The following SLC44A3 variants were observed in gnomAD, a reference collection of about 807,000 sequenced individuals.
The protein encoded by SLC44A3 is choline transporter-like protein 3.
In SLC44A3, 74 loss-of-function variants were observed where a neutral mutation model predicts 75.4. The observed-to-expected ratio is 0.98, with a 90% CI of 0.81 to 1.19. SLC44A3 has a LOEUF of 1.19. Among genes scored for constraint, SLC44A3 ranks in the 50% most tolerant of loss-of-function variants. The pLI, the probability that SLC44A3 is intolerant of heterozygous loss-of-function variation, is 0.00. For synonymous variants in SLC44A3, 310 were observed against 296.9 expected (o/e 1.04, Z -0.45); for missense variants, 700 against 778.6 (o/e 0.90, Z 1.20).
intron 12 of SLC44A3, among the ~76,000 whole-genome samples, chr1:94,885,429 C>T (rs1026315570): frequency 1.3e-5 from 2 of 151,952 alleles, no homozygotes; most frequent in Non-Finnish European, 2.9e-5. Flanking sequence ...TGAGAAGTGA[C>T]GTGATTTGGT....
chr1:94,881,417 C>A (rs1466796450), intron 12 of SLC44A3, among the ~76,000 whole-genome samples: 1 of 152,204 alleles, frequency 6.6e-6, no homozygotes, highest in Non-Finnish European at 1.5e-5. Context: ...CTCTTAAGAA[C>A]CAATCGGCCA....
At chr1:94,831,249 G>A (rs1662085014) in intron 5 of SLC44A3, among the ~76,000 whole-genome samples, 1 of 152,176 alleles carries the variant, frequency 6.6e-6, no homozygotes, top group Non-Finnish European at 1.5e-5. Context: ...ACCCTTGACT[G>A]AGTGGCCTTT....
intron 12 of SLC44A3, among the ~76,000 whole-genome samples, chr1:94,886,943 C>T (rs1279499185): frequency 6.6e-6 from 1 of 152,020 alleles, no homozygotes; most frequent in Non-Finnish European, 1.5e-5. Flanking sequence ...TATCCACCCA[C>T]CTGTTTTGTG....
intron 11 of SLC44A3, among the ~76,000 whole-genome samples, 197 bp downstream of exon 11, chr1:94,865,096 T>C (rs1667007323): frequency 6.6e-6 from 1 of 152,126 alleles, no homozygotes; most frequent in South Asian, 2.1e-4. Flanking sequence ...GTGTTTTGTT[T>C]ATGGTTTTGT....
At chr1:94,888,940 A>G (rs1316136948) in intron 12 of SLC44A3, among the ~76,000 whole-genome samples, 1 of 151,376 alleles carries the variant, frequency 6.6e-6, no homozygotes, top group African/African-American at 2.4e-5. Flanking sequence ...TTGTATTTTT[A>G]GTAAAGACAG....
In SLC44A3 at chr1:94,848,690, G is replaced by A. The variant is rs553300792; in HGVS notation, c.1072+3226G>A. On this transcript the variant is annotated intron_variant, in intron 9 of 14. Transcript: ENST00000271227. ...CTGAGCACGGCACTAGGGAGAGGTA[G>A]GGAACAGGATTGAGGTCGACTCTCT... 9.2e-5 allele frequency among the ~76,000 whole-genome samples: 14 copies of A among 152,220 alleles called. No homozygotes were observed. The East Asian group carries it at 2.7e-3, about 29-fold the overall frequency.
At chr1:94,826,875 G>C (rs1661423201) in intron 3 of SLC44A3, among the ~76,000 whole-genome samples, 1 of 152,134 alleles carries the variant, frequency 6.6e-6, no homozygotes, top group African/African-American at 2.4e-5. Flanking sequence ...TGGGGTCTTG[G>C]AGCCTGGATA....
chr1:94,867,417 G>C lies in SLC44A3; in HGVS notation c.1482G>C (p.Gln494His), dbSNP rs1182215290. ...CLDKYLLHLNQNAYTTTAING... is the reference protein window; with the variant it reads ...CLDKYLLHLNHNAYTTTAING... ...ACAAATACCTGCTCCATCTCAACCA[G>C]GTACGTCTCTACCTCTTGCCTCAGG... The change falls in exon 12 of 15, where the codon CAG becomes CAC. Residue 494 changes from glutamine to histidine, a missense_variant and splice_region_variant. Gln to His is a conservative substitution (Grantham distance 24, BLOSUM62 0). Transcript: ENST00000271227. 6.2e-7 allele frequency: 1 copy of C among 1,604,014 alleles called. No homozygotes were observed. The highest frequency in any genetic ancestry group is 8.5e-7 in the Non-Finnish European group (1 of 1,174,104).
intron 9 of SLC44A3, among the ~76,000 whole-genome samples, chr1:94,856,272 A>C (rs1665861454): frequency 6.6e-6 from 1 of 152,206 alleles, no homozygotes; most frequent in Non-Finnish European, 1.5e-5. Flanking sequence ...CGTGCTCAAA[A>C]TACCACCAGG....
chr1:94,850,648 C>T (rs2101154305), intron 9 of SLC44A3, among the ~76,000 whole-genome samples: 1 of 152,290 alleles, frequency 6.6e-6, no homozygotes, highest in Middle Eastern at 3.4e-3. Flanking sequence ...CCTCTGCTTC[C>T]TTTTTGCCAT....
intron 2 of SLC44A3, among the ~76,000 whole-genome samples, chr1:94,824,284 T>G (rs371040919): frequency 6.6e-6 from 1 of 152,176 alleles, no homozygotes; most frequent in South Asian, 2.1e-4. Context: ...GTGGATTAGA[T>G]TCTCTCTCTA....
intron 2 of SLC44A3, among the ~76,000 whole-genome samples, chr1:94,822,947 G>A (rs1660818954): frequency 6.6e-6 from 1 of 152,132 alleles, no homozygotes; most frequent in Admixed American, 6.6e-5. Flanking sequence ...ATCCCTTGAA[G>A]CCAGGAGTTC....
At chr1:94,884,017 T>C (rs1180195765) in intron 12 of SLC44A3, among the ~76,000 whole-genome samples, 1 of 104,850 alleles carries the variant, frequency 9.5e-6, no homozygotes, top group African/African-American at 3.5e-5. Context: ...TCTTGCTTCT[T>C]TGTCTCTGTG....
Position 94,867,340 on chromosome 1 carries a change from G to A in SLC44A3, c.1405G>A (p.Ala469Thr). ...QNALKEQQHG[A>T]LSRYLFRCCY... ...TCTCAACCTGATCCAGCAGCATGGTGCATTGTCCAGGTACCTGTTCCGATG... is the reference window on the plus strand; with the variant it reads ...TCTCAACCTGATCCAGCAGCATGGTACATTGTCCAGGTACCTGTTCCGATG... The change falls in exon 12 of 15, where the codon GCA becomes ACA. Residue 469 changes from alanine (A) to threonine (T), a missense_variant. Ala to Thr is a moderately conservative substitution (Grantham distance 58, BLOSUM62 0). Transcript: ENST00000271227. 6.3e-7 allele frequency: 1 copy of A among 1,590,576 alleles called. No homozygotes were observed. Among genetic ancestry groups the A allele is most frequent in the Non-Finnish European group, 8.6e-7 (1 of 1,165,946 alleles).
intron 9 of SLC44A3, 38 bp from the exon 10 acceptor site, chr1:94,857,297 A>G: frequency 6.5e-7 from 1 of 1,533,022 alleles, no homozygotes; most frequent in Admixed American, 2.1e-5. Context: ...TGCTTAGGAA[A>G]ACATTGGTGT....
chr1:94,883,604 C>A (rs1669234544), intron 12 of SLC44A3, among the ~76,000 whole-genome samples: 1 of 152,178 alleles, frequency 6.6e-6, no homozygotes, highest in African/African-American at 2.4e-5. Context: ...AATAATGAAA[C>A]TCACTAAAAT....
intron 3 of SLC44A3, among the ~76,000 whole-genome samples, chr1:94,827,280 C>A (rs1661499537): frequency 6.6e-6 from 1 of 152,200 alleles, no homozygotes; most frequent in African/African-American, 2.4e-5. Flanking sequence ...AACACTAAAT[C>A]TGGAGAAATA....
At chr1:94,829,485 G>T (rs191577418) in intron 5 of SLC44A3, among the ~76,000 whole-genome samples, 1 of 152,236 alleles carries the variant, frequency 6.6e-6, no homozygotes, top group Admixed American at 6.5e-5. Flanking sequence ...ATTCACCCCT[G>T]TAAATTAGTG....
chr1:94,878,470 C>T (rs979101331), intron 12 of SLC44A3, among the ~76,000 whole-genome samples: 1 of 152,074 alleles, frequency 6.6e-6, no homozygotes, highest in Admixed American at 6.5e-5. Context: ...TAACATATAC[C>T]AAAAGGAGCA....
Sources: gnomAD v4.1 joint callset for allele counts (sites outside exome capture counted in the v4.1 genomes callset) on GRCh38, gnomAD v4.1.1 for gene constraint, MANE v1.5 for transcripts, NCBI Gene and HGNC (gene_info 2026-07-23, HGNC 2026-07-21) for gene names.